The following TMEM245 variants were observed in gnomAD, a reference collection of about 807,000 sequenced individuals.
The protein encoded by TMEM245 is transmembrane protein 245.
Under a neutral mutation model 101.2 loss-of-function variants are expected in TMEM245, and 69 were observed. The observed-to-expected ratio is 0.68, with a 90% CI of 0.56 to 0.83. The LOEUF (loss-of-function observed/expected upper bound fraction) is 0.83, where lower values mean the gene tolerates loss of function less well. TMEM245 is among the 40% of genes least tolerant of loss of function. The pLI is 0.00. For missense variants in TMEM245, 1,075 were observed against 1,092.8 expected, an observed-to-expected ratio of 0.98 and a Z score of 0.23; for synonymous variants, 537 against 449.8, an observed-to-expected ratio of 1.19 and a Z score of -2.45.
Position 109,119,638 on chromosome 9 carries a change from A to C in TMEM245, c.276T>G (p.Thr92=). The change falls in exon 1 of 18, where the codon ACT becomes ACG. Residue 92 remains threonine (T), a synonymous_variant. Transcript: ENST00000374586. ...RPLLWAVLCG[T]FLHPFKSSLT... ...GCGAGCTCTTGAAGGGGTGCAGAAAAGTGCCGCATAGCACGGCCCAGAGCA... is the reference window on the plus strand; with the variant it reads ...GCGAGCTCTTGAAGGGGTGCAGAAACGTGCCGCATAGCACGGCCCAGAGCA... The C allele has an allele frequency of 6.4e-7, 1 of 1,563,746 alleles. No homozygotes were observed. The highest frequency in any genetic ancestry group is 1.2e-5 in the South Asian group (1 of 85,144).
At chr9:109,116,939 C>T (rs1348488113) in intron 1 of TMEM245, among the ~76,000 whole-genome samples, 1 of 152,138 alleles carries the variant, frequency 6.6e-6, no homozygotes, top group Admixed American at 6.6e-5. Context: ...AATTCCATGC[C>T]TTGTTTTTCT....
In TMEM245 at chr9:109,119,426, T is replaced by G. The variant is rs1367325466; in HGVS notation, c.488A>C (p.Tyr163Ser). The stretch of plus-strand genomic sequence containing the variant: ...CACGCCCAAGTAGCTGCCGAGGCAG[T>G]AGAGGCCGTACAGGAGCGGGCCGCC... ...GAGGPLLYGL[Y>S]CLGSYLGVQV... Residue 163 changes from tyrosine to serine, a missense_variant, in exon 1 of 18, where the codon TAC (tyrosine) becomes TCC (serine). Around this residue, in one of 2 missense-constraint regions of TMEM245, gnomAD observed 808 missense variants for 741.5 expected, o/e 1.09. Coordinates refer to ENST00000374586, the MANE Select transcript of TMEM245 (RefSeq NM_032012.4). The G allele has an allele frequency of 6.6e-7, 1 of 1,523,674 alleles. No homozygotes were observed. The highest frequency in any genetic ancestry group is 1.4e-5 in the African/African-American group (1 of 70,346). The allele number at this position is 1,523,674 out of a possible 1,614,324, so 94.4% of individuals were successfully genotyped here.
chr9:109,055,461 G>A (rs1006662560), intron 12 of TMEM245, among the ~76,000 whole-genome samples: 1 of 152,080 alleles, frequency 6.6e-6, no homozygotes, highest in Non-Finnish European at 1.5e-5. Flanking sequence ...GGTAACAAAA[G>A]AGAAAGCAAA....
Position 109,032,365 on chromosome 9 carries a change from C to CTTTTTTTTTTTTTT in TMEM245, c.2594+928_2594+941dup, listed in dbSNP as rs755399182. On this transcript the variant is annotated intron_variant, in intron 17 of 17. Coordinates refer to ENST00000374586, the MANE Select transcript of TMEM245 (RefSeq NM_032012.4). ...GCATTTGGTTGTCCTATTTCTTTTCCTTTTTTTTTTTTTTTTTTTTTTTTT... is the reference window on the plus strand; with the variant it reads ...GCATTTGGTTGTCCTATTTCTTTTCCTTTTTTTTTTTTTTTTTTTTTTTTTTTTTTTTTTTTTTT... 3.2e-3 allele frequency among the ~76,000 whole-genome samples: 131 copies of CTTTTTTTTTTTTTT among 40,980 alleles called. 52 individuals carry two copies. Among genetic ancestry groups the CTTTTTTTTTTTTTT allele is most frequent in the Non-Finnish European group, 4.4e-3 (99 of 22,614 alleles). The allele number at this position is 40,980 out of a possible 152,430, so 26.9% of individuals were successfully genotyped here.
rs377233026 is a variant in TMEM245, at chr9:109,066,478, A to T, written c.1533-1911T>A. ...AAAAAAAAAAAAAAAAAAAAAAAAA[A>T]TTTCTCAGCAAGTAAGACAAAATTT... On this transcript the variant is annotated intron_variant, in intron 9 of 17. Transcript: ENST00000374586. Among the ~76,000 whole-genome samples the T allele has an allele frequency of 3.1e-4, 46 of 147,546 alleles. 1 individual carries two copies. Among genetic ancestry groups the T allele is most frequent in the Admixed American group, 3.4e-4 (5 of 14,816 alleles).
chr9:109,053,977 G>A (rs1170148404), intron 12 of TMEM245, among the ~76,000 whole-genome samples: 4 of 152,182 alleles, frequency 2.6e-5, no homozygotes, highest in African/African-American at 9.7e-5. Context: ...TAAAGGAAGG[G>A]ACATGAGTCA....
chr9:109,071,958 T>A (rs1271455190), intron 9 of TMEM245, among the ~76,000 whole-genome samples: 1 of 152,188 alleles, frequency 6.6e-6, no homozygotes, highest in African/African-American at 2.4e-5. Flanking sequence ...GCAGAACATA[T>A]AATCTCTGCC....
intron 7 of TMEM245, among the ~76,000 whole-genome samples, chr9:109,081,446 T>G (rs1360345580): frequency 1.3e-5 from 2 of 152,132 alleles, no homozygotes; most frequent in African/African-American, 4.8e-5. Context: ...TCAAAATATT[T>G]TTTCCATTTG....
chr9:109,070,091 A>C (rs1829285034), intron 9 of TMEM245, among the ~76,000 whole-genome samples: 2 of 152,296 alleles, frequency 1.3e-5, no homozygotes, highest in Non-Finnish European at 1.5e-5. Flanking sequence ...TTAAAGGCTT[A>C]AGATATCCAC....
chr9:109,080,537 T>C (rs929148580), intron 8 of TMEM245, among the ~76,000 whole-genome samples: 1 of 152,042 alleles, frequency 6.6e-6, no homozygotes, highest in South Asian at 2.1e-4. Context: ...CAGATCCTAA[T>C]TCTCCTATTA....
chr9:109,113,055 G>T (rs1830611725), intron 1 of TMEM245, among the ~76,000 whole-genome samples: 2 of 152,208 alleles, frequency 1.3e-5, no homozygotes, highest in Admixed American at 1.3e-4. Flanking sequence ...CAGCCTGAGT[G>T]ACAGAGCAAG....
chr9:109,055,738 G>A (rs780462727), intron 12 of TMEM245, among the ~76,000 whole-genome samples: 8 of 151,748 alleles, frequency 5.3e-5, no homozygotes, highest in Non-Finnish European at 1.2e-4. Context: ...AGATTCAAGC[G>A]ATTCTCCTGC....
rs559451845 is a variant in TMEM245, at chr9:109,053,208, T to C, written c.1855-2516A>G. 1.1e-4 allele frequency among the ~76,000 whole-genome samples: 17 copies of C among 152,290 alleles called. 1 individual carries two copies. The highest frequency in any genetic ancestry group is 2.9e-4 in the African/African-American group (12 of 41,562). ...TGGGAGGCCAAGGTGAGCGGATCAGTTGAAGCCAGGAGTTTGAGACCAGCC... is the reference window on the plus strand; with the variant it reads ...TGGGAGGCCAAGGTGAGCGGATCAGCTGAAGCCAGGAGTTTGAGACCAGCC... On this transcript the variant is annotated intron_variant, in intron 12 of 17. Transcript: ENST00000374586.
intron 17 of TMEM245, among the ~76,000 whole-genome samples, chr9:109,032,367 T>TTTTC (rs1827978526): frequency 4.3e-5 from 1 of 23,418 alleles, no homozygotes; most frequent in Non-Finnish European, 7.4e-5. Context: ...TTCTTTTCCT[T>TTTTC]TTTTTTTTTT....
chr9:109,038,784 G>A (rs1000497685), intron 14 of TMEM245: 8 of 152,200 alleles, frequency 5.3e-5, no homozygotes, highest in African/African-American at 1.7e-4. Context: ...ACATATATTT[G>A]GTGACTAATA....
At chr9:109,100,929 G>C (rs1473734409) in intron 3 of TMEM245, among the ~76,000 whole-genome samples, 1 of 152,110 alleles carries the variant, frequency 6.6e-6, no homozygotes, top group Non-Finnish European at 1.5e-5. Flanking sequence ...AGGTCTAAGA[G>C]AAAACCACTG....
chr9:109,104,325 AG>A (rs1830354361), intron 3 of TMEM245, among the ~76,000 whole-genome samples: 1 of 152,184 alleles, frequency 6.6e-6, no homozygotes, highest in Non-Finnish European at 1.5e-5. Flanking sequence ...CCTACTATGT[AG>A]CCACAAAAAT....
At chr9:109,057,446 T>C (rs1203822602) in intron 11 of TMEM245, 124 bp from the exon 12 acceptor site, 1 of 1,149,730 alleles carries the variant, frequency 8.7e-7, no homozygotes, top group Admixed American at 2.7e-5. Flanking sequence ...GAAAAGAACT[T>C]TGCATTATTT....
chr9:109,033,151 G>A (rs1323496885), intron 17 of TMEM245, among the ~76,000 whole-genome samples, 156 bp downstream of exon 17: 3 of 152,268 alleles, frequency 2.0e-5, no homozygotes, highest in East Asian at 1.9e-4. Flanking sequence ...CTCTGCCAAC[G>A]ATTTGTATTT....
Sources: allele counts gnomAD v4.1 joint callset (sites outside exome capture counted in the v4.1 genomes callset), GRCh38; gene constraint gnomAD v4.1.1; regional missense constraint gnomAD v4.1.1; transcripts MANE v1.5; gene names NCBI Gene and HGNC (gene_info 2026-07-23, HGNC 2026-07-21).